The following TSPOAP1 variants were observed in gnomAD, a reference collection of about 807,000 sequenced individuals.
The protein encoded by TSPOAP1 is TSPO associated protein 1.
Under a neutral mutation model 197.0 loss-of-function variants are expected in TSPOAP1, and 87 were observed. The observed-to-expected ratio is 0.44, with a 90% CI of 0.37 to 0.53. The LOEUF (loss-of-function observed/expected upper bound fraction) is 0.53, where lower values mean the gene tolerates loss of function less well. Among genes scored for constraint, TSPOAP1 ranks in the 20% least tolerant of loss-of-function variants. The pLI, the probability that TSPOAP1 is intolerant of heterozygous loss-of-function variation, is 0.00. For synonymous variants in TSPOAP1, 913 were observed against 998.9 expected, an observed-to-expected ratio of 0.91 and a Z score of 1.62; for missense variants, 2,174 against 2,411.3, an observed-to-expected ratio of 0.90 and a Z score of 2.06.
rs549922343 is a variant in TSPOAP1 at position 58,321,120 on chromosome 17, G to A, written c.1423-539C>T. ...ACAGCTCCCCTTGAATGTTTAACGC[G>A]CAGCTCAGACATGGCCCAAATGGAA... On this transcript the variant is annotated intron_variant, in intron 10 of 31. Coordinates refer to ENST00000343736, the MANE Select transcript of TSPOAP1 (RefSeq NM_004758.4). Among the ~76,000 whole-genome samples, 4 of 152,180 alleles carry A rather than the reference G, an allele frequency of 2.6e-5. No individual in the cohort carries two copies. In the South Asian group the frequency reaches 8.3e-4, roughly 32 times the overall value.
intron 16 of TSPOAP1, among the ~76,000 whole-genome samples, chr17:58,314,540 C>A (rs879886113): frequency 3.9e-5 from 6 of 152,230 alleles, no homozygotes; most frequent in Non-Finnish European, 7.3e-5. Context: ...AGCCAAGGAA[C>A]AACTGGAGCC....
At position 58,311,055 on chromosome 17, in the gene TSPOAP1, C is replaced by T. The variant is rs3744098; in HGVS notation, c.3240G>A (p.Pro1080=). Residue 1080 remains proline (P), a synonymous_variant, in exon 19 of 32, where the codon CCG becomes CCA. Transcript: ENST00000343736. The part of the protein sequence containing the change: ...IPAPITPALA[P]ASLPARVSCP... ...AGGAGACTCGGGCTGGCAGGCTGGC[C>T]GGAGCCAGGGCGGGAGTGATAGGAG... is the stretch of plus-strand genomic sequence containing the variant. The T allele has an allele frequency of 0.022, 34,411 of 1,580,536 alleles. 469 individuals are homozygous for T. Among genetic ancestry groups the T allele is most frequent in the Non-Finnish European group, 0.026 (30,225 of 1,163,494 alleles).
chr17:58,314,732 C>T (rs1448517286), intron 16 of TSPOAP1, among the ~76,000 whole-genome samples: 1 of 152,264 alleles, frequency 6.6e-6, no homozygotes, highest in African/African-American at 2.4e-5. Flanking sequence ...CGATCATAAG[C>T]ACCAGCACTG....
chr17:58,317,695 A>G (rs1567846317), intron 14 of TSPOAP1, among the ~76,000 whole-genome samples: 1 of 152,182 alleles, frequency 6.6e-6, no homozygotes, highest in Non-Finnish European at 1.5e-5. Context: ...TGACGACCAG[A>G]GCTATGAGTG....
At chr17:58,316,389 G>A in intron 15 of TSPOAP1, 36 bp downstream of exon 15, 1 of 1,565,126 alleles carries the variant, frequency 6.4e-7, no homozygotes. Flanking sequence ...CAAATGCTGG[G>A]GCTGGGCTAG....
At chr17:58,308,032 G>T in intron 22 of TSPOAP1, 91 bp from the exon 23 acceptor site, 2 of 1,252,746 alleles carry the variant, frequency 1.6e-6, no homozygotes, top group Non-Finnish European at 2.2e-6. Flanking sequence ...AGCGTAAGCA[G>T]CACAGCAGCG....
intron 18 of TSPOAP1, 116 bp downstream of exon 18, chr17:58,311,455 T>C: frequency 1.4e-6 from 2 of 1,430,762 alleles, no homozygotes; most frequent in South Asian, 2.8e-5. Context: ...ATCTGCCTCA[T>C]GGTACCCAAA....
At position 58,322,615 on chromosome 17, in the gene TSPOAP1, A is replaced by G; in HGVS notation, c.1317+39T>C. 6.2e-7 allele frequency: 1 copy of G among 1,601,482 alleles called. No individual in the cohort carries two copies. The highest frequency in any genetic ancestry group is 1.3e-5 in the African/African-American group (1 of 74,928). On this transcript the variant is annotated intron_variant, in intron 9 of 31. Transcript: ENST00000343736. This position sits in a 1 kb window ranked among gnomAD's most constrained non-coding sequence, Gnocchi z 5.0. ...TGCTGTCCCACTTGCTCCCCATGCC[A>G]GGGCCCAGCACCCTCTCCCACCTGC... is the stretch of plus-strand genomic sequence containing the variant.
At chr17:58,316,223 A>G in intron 15 of TSPOAP1, 91 bp from the exon 16 acceptor site, 1 of 1,238,412 alleles carries the variant, frequency 8.1e-7, no homozygotes, top group Non-Finnish European at 1.2e-6. Context: ...CTGAGCCTTT[A>G]CGGAGACTTG....
chr17:58,311,060 C>T lies in TSPOAP1; in HGVS notation c.3235G>A (p.Ala1079Thr), dbSNP rs1008570098. 3 of 1,579,200 alleles carry T rather than the reference C, an allele frequency of 1.9e-6. No homozygotes were observed. The highest frequency in any genetic ancestry group is 1.7e-6 in the Non-Finnish European group (2 of 1,162,922). The stretch of plus-strand genomic sequence containing the variant: ...ACTCGGGCTGGCAGGCTGGCCGGAG[C>T]CAGGGCGGGAGTGATAGGAGCCGGG... ...SIPAPITPAL[A>T]PASLPARVSC... The change falls in exon 19 of 32, where the codon GCT becomes ACT. Residue 1079 changes from alanine to threonine, a missense_variant. Around this residue, in one of 5 missense-constraint regions of TSPOAP1, gnomAD observed 1,933 missense variants for 2,139.0 expected, o/e 0.90. Transcript: ENST00000343736.
At position 58,305,841 on chromosome 17, in the gene TSPOAP1, G is replaced by C. The variant is rs1970868683; in HGVS notation, c.5249C>G (p.Pro1750Arg). 1.2e-6 allele frequency: 2 copies of C among 1,612,868 alleles called. No individual in the cohort carries two copies. The highest frequency in any genetic ancestry group is 1.7e-6 in the Non-Finnish European group (2 of 1,179,728). Residue 1750 changes from proline to arginine, a missense_variant, in exon 27 of 32, where the codon CCC (proline) becomes CGC (arginine). By Grantham distance (103) the Pro-to-Arg change is moderately radical. Around this residue, in one of 5 missense-constraint regions of TSPOAP1, gnomAD observed 161 missense variants for 159.1 expected, o/e 1.01. Coordinates refer to ENST00000343736, the MANE Select transcript of TSPOAP1 (RefSeq NM_004758.4). ...KKAESEGPAQ[P>R]CPGPPKLVPS... ...CAGGGATATTCCTTCACCTGGACAG[G>C]GCTGGGCAGGGCCTTCCGACTCAGC... is the stretch of plus-strand genomic sequence containing the variant.
rs1369974242 is a variant in TSPOAP1 at position 58,319,080 on chromosome 17, T to C, written c.1699+10A>G. On this transcript the variant is annotated intron_variant, in intron 13 of 31. Transcript: ENST00000343736. ...GGATTCCAGGCCAATGCCACTGGGG[T>C]CCACCTTACCTTTGGGGCCAGACCC... 1.3e-6 allele frequency: 2 copies of C among 1,510,640 alleles called. No homozygotes were observed. The highest frequency in any genetic ancestry group is 4.2e-5 in the Admixed American group (2 of 47,464). The allele number at this position is 1,510,640 out of a possible 1,614,324, so 93.6% of individuals were successfully genotyped here.
chr17:58,314,860 C>G lies in TSPOAP1; in HGVS notation c.2098+1163G>C, dbSNP rs80182083. 8.9e-4 allele frequency among the ~76,000 whole-genome samples: 136 copies of G among 152,366 alleles called. 1 individual carries two copies. The East Asian group carries it at 0.026, about 29-fold the overall frequency. On this transcript the variant is annotated intron_variant, in intron 16 of 31. Transcript: ENST00000343736. ...CTCCAGAAGCCCATGCAGCTGAGAA[C>G]AGCCTAGGTGGCCCAGACATAGACG...
At position 58,322,335 on chromosome 17, in the gene TSPOAP1, C is replaced by T. The variant is rs773979662; in HGVS notation, c.1395G>A (p.Lys465=). 5.1e-5 allele frequency: 82 copies of T among 1,604,466 alleles called. No individual in the cohort carries two copies. The highest frequency in any genetic ancestry group is 3.3e-4 in the Middle Eastern group (2 of 6,084). The change falls in exon 10 of 32, where the codon AAG becomes AAA. Residue 465 remains lysine (K), a synonymous_variant. Transcript: ENST00000343736. This position sits in a 1 kb window ranked among gnomAD's most constrained non-coding sequence, Gnocchi z 5.0. ...HEQARLSLRE[K]QEEVRRLQQA... The stretch of plus-strand genomic sequence containing the variant: ...GCTGCAGTCTCCGGACCTCCTCCTG[C>T]TTCTCCCGTAGGCTGAGCCGAGCCT...
chr17:58,307,990 G>T, intron 22 of TSPOAP1, 49 bp from the exon 23 acceptor site: 1 of 1,525,538 alleles, frequency 6.6e-7, no homozygotes, highest in Non-Finnish European at 8.9e-7. Flanking sequence ...CATCCCTCTG[G>T]TGGGCTCGTG....
rs915366488 is a variant in TSPOAP1, at chr17:58,306,398, A to G, written c.5168T>C (p.Val1723Ala). The G allele has an allele frequency of 1.4e-5, 22 of 1,555,228 alleles. No individual in the cohort carries two copies. Among genetic ancestry groups the G allele is most frequent in the Admixed American group, 1.9e-5 (1 of 51,590 alleles). The change falls in exon 26 of 32, where the codon GTG (valine) becomes GCG (alanine). Residue 1723 changes from valine to alanine, a missense_variant. Physicochemically the swap from Val to Ala is moderately conservative, Grantham distance 64. This residue lies in a region of TSPOAP1 where 161 missense variants were observed against 159.1 expected (regional missense o/e 1.01). Coordinates refer to ENST00000343736, the MANE Select transcript of TSPOAP1 (RefSeq NM_004758.4). ...LLEGSGNGPFVYSTAHTTGPP... is the reference protein window; with the variant it reads ...LLEGSGNGPFAYSTAHTTGPP... ...CCCAGTTGTGTGGGCTGTGGAGTAC[A>G]CAAACGGACCATTCCCTGATCCAGA...
intron 5 of TSPOAP1, 96 bp from the exon 6 acceptor site, chr17:58,323,641 T>TCA (rs779659648): frequency 3.2e-5 from 41 of 1,299,640 alleles, no homozygotes; most frequent in Admixed American, 2.4e-4. Flanking sequence ...TCCCACCCCA[T>TCA]CATTCAGCCA....
At chr17:58,308,090 GA>G (rs1214150962) in intron 22 of TSPOAP1, 149 bp from the exon 23 acceptor site, 1 of 836,906 alleles carries the variant, frequency 1.2e-6, no homozygotes, top group Non-Finnish European at 1.8e-6. Flanking sequence ...GCCTGCTGGA[GA>G]CCTCAGACAC....
intron 14 of TSPOAP1, 120 bp from the exon 15 acceptor site, chr17:58,316,660 A>C: frequency 1.4e-6 from 1 of 696,688 alleles, no homozygotes; most frequent in African/African-American, 1.8e-5. Context: ...GAGCACATAC[A>C]TGCTGCACAG....
Sources: allele counts gnomAD v4.1 joint callset (sites outside exome capture counted in the v4.1 genomes callset), GRCh38; gene constraint gnomAD v4.1.1; regional missense constraint gnomAD v4.1.1; non-coding constraint Gnocchi (gnomAD v3.1); transcripts MANE v1.5; gene names NCBI Gene and HGNC (gene_info 2026-07-23, HGNC 2026-07-21).